ZGRF1: variants seen among roughly 807,000 people sequenced by gnomAD.
The protein encoded by ZGRF1 is 5'-3' DNA helicase ZGRF1.
In ZGRF1, 196 loss-of-function variants were observed where a neutral mutation model predicts 203.5. That is an observed-to-expected ratio of 0.96 (90% CI 0.86 to 1.08). ZGRF1 has a LOEUF of 1.08. ZGRF1 is among the 50% of genes least tolerant of loss of function. The pLI, the probability that ZGRF1 is intolerant of heterozygous loss-of-function variation, is 0.00. For missense variants in ZGRF1, 2,326 were observed against 2,416.3 expected, an observed-to-expected ratio of 0.96 and a Z score of 0.78; for synonymous variants, 809 against 841.3, an observed-to-expected ratio of 0.96 and a Z score of 0.66.
intron 24 of ZGRF1, among the ~76,000 whole-genome samples, chr4:112,543,567 G>T (rs1738128996): frequency 6.6e-6 from 1 of 152,028 alleles, no homozygotes; most frequent in South Asian, 2.1e-4. Context: ...ATTTTAAAAG[G>T]CATTGAAAAT....
chr4:112,598,500 TATAGGTGCCTGGAAG>T (rs1351784232), intron 10 of ZGRF1, among the ~76,000 whole-genome samples: 1 of 151,786 alleles, frequency 6.6e-6, no homozygotes, highest in Non-Finnish European at 1.5e-5. Context: ...AACTTAATAT[TATAGGTGCCTGGAAG>T]AATATAAAGG....
intron 10 of ZGRF1, among the ~76,000 whole-genome samples, chr4:112,601,307 T>C (rs1371262852): frequency 6.6e-6 from 1 of 152,050 alleles, no homozygotes; most frequent in Non-Finnish European, 1.5e-5. Context: ...CCCAGCACTT[T>C]GGGAGGCCGA....
At chr4:112,623,762 A>G (rs2047138964) in intron 4 of ZGRF1, 55 bp downstream of exon 4, 2 of 855,788 alleles carry the variant, frequency 2.3e-6, no homozygotes, top group South Asian at 3.1e-5. Flanking sequence ...TAAAGGAGGT[A>G]TTTAAAGAGA....
At chr4:112,583,674 T>C (rs546684755) in intron 15 of ZGRF1, among the ~76,000 whole-genome samples, 3 of 152,114 alleles carry the variant, frequency 2.0e-5, no homozygotes, top group Non-Finnish European at 4.4e-5. Context: ...CATGGTGGCA[T>C]GTGCCTGAAG....
intron 22 of ZGRF1, among the ~76,000 whole-genome samples, 170 bp from the exon 23 acceptor site, chr4:112,548,550 T>G (rs1329866623): frequency 6.6e-6 from 1 of 151,862 alleles, no homozygotes. Flanking sequence ...TATTCCTACA[T>G]ACAAAATGGA....
At chr4:112,599,074 A>G (rs973671818) in intron 10 of ZGRF1, among the ~76,000 whole-genome samples, 1 of 152,048 alleles carries the variant, frequency 6.6e-6, no homozygotes, top group African/African-American at 2.4e-5. Context: ...TCAGAGTCAA[A>G]GCACTAATGT....
At chr4:112,591,720 C>T (rs567362925) in intron 10 of ZGRF1, among the ~76,000 whole-genome samples, 1 of 152,240 alleles carries the variant, frequency 6.6e-6, no homozygotes, top group East Asian at 1.9e-4. Context: ...TATCTGCATG[C>T]CTTTCTCCCT....
intron 13 of ZGRF1, 64 bp from the exon 14 acceptor site, chr4:112,585,789 T>G (rs748187726): frequency 1.7e-5 from 20 of 1,204,928 alleles, no homozygotes; most frequent in Non-Finnish European, 2.1e-5. Flanking sequence ...GTATCACATA[T>G]GTGCTGTTTG....
At chr4:112,541,350 A>G in intron 24 of ZGRF1, 82 bp from the exon 25 acceptor site, 1 of 683,678 alleles carries the variant, frequency 1.5e-6, no homozygotes, top group Non-Finnish European at 2.3e-6. Context: ...AAAATTAAAA[A>G]TATCGCTATA....
In ZGRF1 at chr4:112,586,573, C is replaced by A. The variant is rs374302195; in HGVS notation, c.3788G>T (p.Gly1263Val). ...CCCACTTGGAAAGCACAGCTCAGAG[C>A]CACTTATCTCCTGCAATGGAATAAT... Reference protein sequence around the residue: ...YSVKDLQEISGSELCFPSGQK... With the variant: ...YSVKDLQEISVSELCFPSGQK... The change falls in exon 13 of 28, where the codon GGC becomes GTC. Residue 1263 changes from glycine to valine, a missense_variant. By Grantham distance (109) the Gly-to-Val change is moderately radical. Coordinates refer to ENST00000505019, the MANE Select transcript of ZGRF1 (RefSeq NM_018392.5). 6.2e-7 allele frequency: 1 copy of A among 1,606,278 alleles called. No individual in the cohort carries two copies. Among genetic ancestry groups the A allele is most frequent in the African/African-American group, 1.3e-5 (1 of 74,786 alleles).
intron 26 of ZGRF1, 114 bp downstream of exon 26, chr4:112,540,707 A>T (rs1737387941): frequency 1.5e-6 from 1 of 675,198 alleles, no homozygotes; most frequent in Non-Finnish European, 2.3e-6. Context: ...TATTAATTAC[A>T]GTACCAAAAG....
intron 6 of ZGRF1, among the ~76,000 whole-genome samples, chr4:112,614,363 T>C (rs1209259547): frequency 6.6e-6 from 1 of 152,232 alleles, no homozygotes; most frequent in Non-Finnish European, 1.5e-5. Context: ...TTCATGGTCA[T>C]TTGCAGACAT....
intron 16 of ZGRF1, among the ~76,000 whole-genome samples, chr4:112,571,873 G>A (rs1210172123): frequency 6.6e-6 from 1 of 152,110 alleles, no homozygotes; most frequent in African/African-American, 2.4e-5. Flanking sequence ...TTGATATTTG[G>A]ATTTATGAAG....
chr4:112,591,364 A>G (rs1271076884), intron 10 of ZGRF1, among the ~76,000 whole-genome samples: 3 of 152,208 alleles, frequency 2.0e-5, no homozygotes, highest in African/African-American at 7.2e-5. Flanking sequence ...TAACAGTAAC[A>G]GGCAGTACTT....
At position 112,587,767 on chromosome 4, in the gene ZGRF1, G is replaced by A. The variant is rs1747465375; in HGVS notation, c.3290C>T (p.Ser1097Phe). The A allele has an allele frequency of 6.4e-7, 1 of 1,554,990 alleles. No homozygotes were observed. Residue 1097 changes from serine (S) to phenylalanine (F), a missense_variant, in exon 12 of 28, where the codon TCC becomes TTC. Transcript: ENST00000505019. ...INSNTYESSG[S>F]PMLNLCEKSA... ...CTTTTCACACAAATTGAGCATGGGG[G>A]AGCCAGAAGACTCGTATGTGTTAGA...
At chr4:112,608,282 T>C (rs1751064330) in intron 8 of ZGRF1, among the ~76,000 whole-genome samples, 1 of 152,170 alleles carries the variant, frequency 6.6e-6, no homozygotes, top group African/African-American at 2.4e-5. Flanking sequence ...ATAATGATAG[T>C]GTTTATCTGT....
Position 112,618,756 on chromosome 4 carries a change from G to C in ZGRF1, c.1286C>G (p.Ser429Ter), listed in dbSNP as rs147826438. ...ATTATCTTCTTGAATGTCAGATTCT[G>C]ATAATATACCATCATTTTCTGCACT... ...CSSAENDGIL[S>*]ESDIQEDNKI... Residue 429 changes from serine to a stop codon, truncating the protein, a stop_gained, in exon 6 of 28, where the codon TCA becomes TGA. Coordinates refer to ENST00000505019, the MANE Select transcript of ZGRF1 (RefSeq NM_018392.5). LOFTEE classifies it high-confidence loss of function. The C allele has an allele frequency of 6.2e-7, 1 of 1,610,684 alleles. No individual in the cohort carries two copies. The highest frequency in any genetic ancestry group is 8.5e-7 in the Non-Finnish European group (1 of 1,178,842).
intron 16 of ZGRF1, among the ~76,000 whole-genome samples, chr4:112,570,734 G>C (rs1744052919): frequency 6.6e-6 from 1 of 151,866 alleles, no homozygotes; most frequent in Non-Finnish European, 1.5e-5. Flanking sequence ...CATGCTAAAT[G>C]ACTCACAGGT....
chr4:112,623,913 C>T, intron 3 of ZGRF1, 37 bp from the exon 4 acceptor site: 1 of 1,058,342 alleles, frequency 9.4e-7, no homozygotes, highest in Non-Finnish European at 1.4e-6. Flanking sequence ...AAAGGAACAA[C>T]ACAATTATGC....
Sources: allele counts gnomAD v4.1 joint callset (sites outside exome capture counted in the v4.1 genomes callset), GRCh38; gene constraint gnomAD v4.1.1; transcripts MANE v1.5; gene names NCBI Gene and HGNC (gene_info 2026-07-23, HGNC 2026-07-21).